The following NFIB variants were observed in gnomAD, a reference collection of about 807,000 sequenced individuals.
NFIB encodes the protein nuclear factor 1 B-type.
A neutral mutation model predicts 61.5 loss-of-function variants in NFIB; 11 were observed. That is an observed-to-expected ratio of 0.18 (90% CI 0.11 to 0.30). The LOEUF (loss-of-function observed/expected upper bound fraction) is 0.30. Ranked by LOEUF, NFIB falls within the 10% of genes least tolerant of loss-of-function variation. The pLI, the probability that NFIB is intolerant of heterozygous loss-of-function variation, is 1.00. For missense variants in NFIB, 471 were observed against 608.9 expected (o/e 0.77, Z 2.38); for synonymous variants, 260 against 216.5 (o/e 1.20, Z -1.76).
chr9:14,392,899 A>G (rs575010704), intron 1 of NFIB, among the ~76,000 whole-genome samples: 2 of 152,350 alleles, frequency 1.3e-5, no homozygotes, highest in East Asian at 3.9e-4. Context: ...TTAGCAATCC[A>G]TCTCAAAAGC....
At chr9:14,297,084 A>G (rs997068930) in intron 2 of NFIB, among the ~76,000 whole-genome samples, 2 of 152,186 alleles carry the variant, frequency 1.3e-5, no homozygotes, top group African/African-American at 2.4e-5. Flanking sequence ...TGGACTAGAA[A>G]CTTTAACTCA....
chr9:14,156,343 A>G (rs1329631442), intron 3 of NFIB, among the ~76,000 whole-genome samples: 1 of 152,250 alleles, frequency 6.6e-6, no homozygotes, highest in Non-Finnish European at 1.5e-5. Flanking sequence ...TTCTCTGATG[A>G]AAGAAAAGTG....
intron 10 of NFIB, 69 bp downstream of exon 10, chr9:14,112,930 G>C: frequency 6.9e-7 from 1 of 1,453,148 alleles, no homozygotes; most frequent in Non-Finnish European, 9.4e-7. Flanking sequence ...CCGGATCTGA[G>C]AGGCAACATG....
chr9:14,160,270 A>G (rs964525344), intron 3 of NFIB, among the ~76,000 whole-genome samples: 2 of 152,214 alleles, frequency 1.3e-5, no homozygotes, highest in African/African-American at 4.8e-5. Context: ...ATACTGTTTA[A>G]CCTCCTTTAC....
intron 3 of NFIB, among the ~76,000 whole-genome samples, chr9:14,156,436 G>A (rs1327977590): frequency 6.6e-6 from 1 of 152,210 alleles, no homozygotes; most frequent in Non-Finnish European, 1.5e-5. Context: ...AGCAAATACA[G>A]AACTTTGCGT....
At chr9:14,473,262 T>C in the NFIB span, among the ~76,000 whole-genome samples, 1 of 152,332 alleles carries the variant, frequency 6.6e-6, no homozygotes, top group East Asian at 1.9e-4. Flanking sequence ...ACATACAACC[T>C]TTTATCAAGG....
chr9:14,100,461 C>G (rs762052559), intron 10 of NFIB, among the ~76,000 whole-genome samples: 2 of 152,170 alleles, frequency 1.3e-5, no homozygotes, highest in African/African-American at 2.4e-5. Context: ...GTAATCCCAG[C>G]ACTTTGGGAG....
At chr9:14,183,772 C>G in intron 2 of NFIB, among the ~76,000 whole-genome samples, 1 of 152,048 alleles carries the variant, frequency 6.6e-6, no homozygotes, top group Admixed American at 6.6e-5. Context: ...CCAACCAAAA[C>G]CAGTCCTCCC....
the NFIB span, among the ~76,000 whole-genome samples, chr9:14,443,975 G>C: frequency 0.33 from 50,630 of 152,078 alleles, 9,441 homozygotes; most frequent in Admixed American, 0.47. Context: ...AGGCTCTTCA[G>C]TGTGTGTCCC....
chr9:14,461,682 T>G, the NFIB span, among the ~76,000 whole-genome samples: 1 of 152,318 alleles, frequency 6.6e-6, no homozygotes, highest in African/African-American at 2.4e-5. Flanking sequence ...AAGAATCCTG[T>G]GAAGTGGGCT....
chr9:14,164,957 C>T (rs1239531466), intron 3 of NFIB, among the ~76,000 whole-genome samples: 1 of 152,110 alleles, frequency 6.6e-6, no homozygotes, highest in Admixed American at 6.5e-5. Context: ...GAATGTGGTT[C>T]CAGAGCCACT....
intron 1 of NFIB, among the ~76,000 whole-genome samples, chr9:14,344,412 G>GA (rs1051423245): frequency 8.3e-6 from 1 of 119,834 alleles, no homozygotes; most frequent in African/African-American, 4.0e-5. Flanking sequence ...TGTCTCAGAA[G>GA]GGGGGGGTAG....
intron 2 of NFIB, among the ~76,000 whole-genome samples, chr9:14,247,988 A>C (rs1439783243): frequency 1.6e-4 from 23 of 148,298 alleles, no homozygotes; most frequent in African/African-American, 5.7e-4. Context: ...GCTGGAGTAC[A>C]ACGGCATAAT....
chr9:14,144,049 G>C (rs1425877325), intron 6 of NFIB, among the ~76,000 whole-genome samples: 2 of 119,554 alleles, frequency 1.7e-5, no homozygotes, highest in Non-Finnish European at 3.6e-5. Context: ...ATGCACATTT[G>C]AGAATGGAAT....
chr9:14,113,741 G>A (rs946851019), intron 9 of NFIB, among the ~76,000 whole-genome samples: 1 of 152,160 alleles, frequency 6.6e-6, no homozygotes, highest in Non-Finnish European at 1.5e-5. Context: ...TCAATTACTT[G>A]TAACTGATCC....
At position 14,085,074 on chromosome 9, in the gene NFIB, T is replaced by C. The variant is rs949757217; in HGVS notation, c.*3235A>G. 3.5e-5 allele frequency: 8 copies of C among 228,772 alleles called. No individual in the cohort carries two copies. Among genetic ancestry groups the C allele is most frequent in the African/African-American group, 1.3e-4 (6 of 45,094 alleles). 14.2% of individuals were successfully genotyped at this position (228,772 alleles called of 1,614,324 possible). A position where few individuals can be genotyped will look rare whatever the true frequency, so the allele number is the denominator to read the frequency against. On this transcript the variant is annotated 3_prime_UTR_variant, in exon 11 of 11. Transcript: ENST00000380953. Reference sequence around the variant, plus strand: ...GAAGAGCTTGGCTGAGATGATCTGTTTGCTACCAGGGCGAGTATCACAGAA... The same window carrying C: ...GAAGAGCTTGGCTGAGATGATCTGTCTGCTACCAGGGCGAGTATCACAGAA...
chr9:14,259,675 C>T (rs954022745), intron 2 of NFIB, among the ~76,000 whole-genome samples: 2 of 151,986 alleles, frequency 1.3e-5, no homozygotes, highest in South Asian at 2.1e-4. Flanking sequence ...CAAAGGCAGG[C>T]GGATCACTTG....
the NFIB span, among the ~76,000 whole-genome samples, chr9:14,501,764 C>T: frequency 2.1e-4 from 32 of 152,256 alleles, no homozygotes; most frequent in South Asian, 1.0e-3. Flanking sequence ...GGAAAGAGCA[C>T]GGAGGGCACT....
chr9:14,177,867 G>T (rs1448107180), intron 3 of NFIB, among the ~76,000 whole-genome samples: 1 of 152,084 alleles, frequency 6.6e-6, no homozygotes, highest in African/African-American at 2.4e-5. Context: ...CAGCAAAAAT[G>T]AAATTTTAAC....
Sources: gnomAD v4.1 joint callset for allele counts (sites outside exome capture counted in the v4.1 genomes callset) on GRCh38, gnomAD v4.1.1 for gene constraint, MANE v1.5 for transcripts, NCBI Gene and HGNC (gene_info 2026-07-23, HGNC 2026-07-21) for gene names.